The following NTN1 variants were observed in gnomAD, a reference collection of about 807,000 sequenced individuals.
NTN1 encodes the protein netrin-1.
In NTN1, 11 loss-of-function variants were observed where a neutral mutation model predicts 54.2. The observed-to-expected ratio is 0.20, with a 90% confidence interval of 0.13 to 0.34. NTN1 has a LOEUF of 0.34. NTN1 is among the 10% of genes least tolerant of loss of function. The probability of loss-of-function intolerance (pLI) is 1.00; values close to 1 mark genes in which losing one functional copy is unlikely to be tolerated. For missense variants in NTN1, 740 were observed against 893.1 expected (o/e 0.83, Z 2.18); for synonymous variants, 371 against 382.0 (o/e 0.97, Z 0.33).
rs140248343 is a variant in NTN1, at chr17:9,162,845, C to T, written c.1051C>T (p.Arg351Cys). 3 of 1,613,522 alleles carry T rather than the reference C, an allele frequency of 1.9e-6. No homozygotes were observed. Among genetic ancestry groups the T allele is most frequent in the African/African-American group, 1.3e-5 (1 of 74,926 alleles). The change falls in exon 3 of 7, where the codon CGC becomes TGC. Residue 351 changes from arginine to cysteine, a missense_variant. Arg to Cys is a radical substitution (Grantham distance 180). Transcript: ENST00000173229. ...CNCNLHARRC[R>C]FNMELYKLSG... Reference sequence around the variant, plus strand: ...CTGCAACCTGCATGCCCGGCGCTGCCGCTTCAACATGGAGCTCTACAAGCT... The same window carrying T: ...CTGCAACCTGCATGCCCGGCGCTGCTGCTTCAACATGGAGCTCTACAAGCT...
intron 5 of NTN1, among the ~76,000 whole-genome samples, chr17:9,190,323 G>A (rs959496732): frequency 5.3e-5 from 8 of 152,142 alleles, no homozygotes; most frequent in African/African-American, 9.7e-5. Flanking sequence ...CTATCAGTTC[G>A]CCCAGAAATA....
At chr17:9,022,181 G>A in intron 1 of NTN1, 130 bp from the exon 2 acceptor site, 6 of 572,480 alleles carry the variant, frequency 1.0e-5, no homozygotes, top group Non-Finnish European at 7.7e-6. Flanking sequence ...TTGGGGGAGA[G>A]AGGCGGGCAG....
At chr17:9,147,371 C>T (rs1003724275) in intron 2 of NTN1, among the ~76,000 whole-genome samples, 2 of 152,142 alleles carry the variant, frequency 1.3e-5, no homozygotes, top group Admixed American at 6.5e-5. Flanking sequence ...ATAAATTAGC[C>T]GGGCATAGTG....
At chr17:9,113,144 C>T (rs2092198382) in intron 2 of NTN1, among the ~76,000 whole-genome samples, 1 of 151,558 alleles carries the variant, frequency 6.6e-6, no homozygotes, top group African/African-American at 2.4e-5. Context: ...CTGCCTCAGC[C>T]TCCCGAGTAG....
At chr17:9,028,425 T>G (rs1390454611) in intron 2 of NTN1, among the ~76,000 whole-genome samples, 1 of 152,024 alleles carries the variant, frequency 6.6e-6, no homozygotes, top group Non-Finnish European at 1.5e-5. Context: ...CGCTCCCTGC[T>G]CCACCCAGAG....
intron 2 of NTN1, among the ~76,000 whole-genome samples, chr17:9,106,510 TTCC>T: frequency 1.5e-5 from 2 of 137,892 alleles, no homozygotes; most frequent in African/African-American, 2.7e-5. Flanking sequence ...CCTTCCTTCC[TTCC>T]TTCCTTCCTT....
chr17:9,023,477 C>T, intron 2 of NTN1, 86 bp downstream of exon 2: 1 of 1,304,858 alleles, frequency 7.7e-7, no homozygotes, highest in Non-Finnish European at 9.7e-7. Context: ...TTCATAGGAG[C>T]GCGGGTCGAG....
At position 9,243,283 on chromosome 17, in the gene NTN1, G is replaced by A. The variant is rs1395477700; in HGVS notation, c.*3315G>A. The A allele has an allele frequency of 6.6e-6, 1 of 152,142 alleles. No homozygotes were observed. Among genetic ancestry groups the A allele is most frequent in the South Asian group, 2.1e-4 (1 of 4,820 alleles). The allele number at this position is 152,142 out of a possible 1,614,324, so 9.4% of individuals were successfully genotyped here. On this transcript the variant is annotated 3_prime_UTR_variant, in exon 7 of 7. Transcript: ENST00000173229. ...TGGGGTCACAACCCAGGGAGGGAGGGTCACAGCCCAGGGAGGCTGGGAGCT... is the reference window on the plus strand; with the variant it reads ...TGGGGTCACAACCCAGGGAGGGAGGATCACAGCCCAGGGAGGCTGGGAGCT...
intron 6 of NTN1, among the ~76,000 whole-genome samples, chr17:9,229,738 G>T (rs1452783483): frequency 2.0e-5 from 3 of 152,190 alleles, no homozygotes; most frequent in Non-Finnish European, 4.4e-5. Flanking sequence ...GTAGCGGGTG[G>T]TGGTCCAGAG....
At chr17:9,112,146 T>C (rs1469342888) in intron 2 of NTN1, among the ~76,000 whole-genome samples, 1 of 152,244 alleles carries the variant, frequency 6.6e-6, no homozygotes, top group Non-Finnish European at 1.5e-5. Context: ...GCTATGAAGC[T>C]GCGCCTGTGG....
chr17:9,229,198 C>T (rs535325882), intron 6 of NTN1, among the ~76,000 whole-genome samples: 1 of 151,670 alleles, frequency 6.6e-6, no homozygotes, highest in African/African-American at 2.4e-5. Context: ...TCTTGGGGGT[C>T]CGTGGAAGCA....
intron 2 of NTN1, among the ~76,000 whole-genome samples, chr17:9,077,048 T>A (rs2092052712): frequency 6.6e-6 from 1 of 151,858 alleles, no homozygotes; most frequent in Non-Finnish European, 1.5e-5. Flanking sequence ...ATCAGACAGG[T>A]GGGTGAGCAG....
At chr17:9,011,023 C>T in the NTN1 span, among the ~76,000 whole-genome samples, 1 of 151,854 alleles carries the variant, frequency 6.6e-6, no homozygotes, top group Admixed American at 6.6e-5. Flanking sequence ...ATCATCAAGA[C>T]TTAGGGCCTT....
At chr17:9,160,818 A>C (rs549825122) in intron 2 of NTN1, among the ~76,000 whole-genome samples, 9 of 152,154 alleles carry the variant, frequency 5.9e-5, no homozygotes, top group Non-Finnish European at 8.8e-5. Context: ...TTCGCTGGGC[A>C]TGGTGGCACA....
chr17:9,141,669 T>G (rs2092298153), intron 2 of NTN1, among the ~76,000 whole-genome samples: 1 of 151,596 alleles, frequency 6.6e-6, no homozygotes, highest in African/African-American at 2.4e-5. Context: ...GGATAGGAGT[T>G]GGGATGAAAG....
At chr17:9,021,110 G>GTT (rs1477531368), upstream of NTN1, among the ~76,000 whole-genome samples, 1 of 152,172 alleles carries the variant, frequency 6.6e-6, no homozygotes, top group East Asian at 1.9e-4. Context: ...ACACAGATGT[G>GTT]TTTGGCTGGG....
intron 3 of NTN1, among the ~76,000 whole-genome samples, chr17:9,167,602 A>C (rs2092376730): frequency 6.6e-6 from 1 of 152,154 alleles, no homozygotes; most frequent in African/African-American, 2.4e-5. Flanking sequence ...GAAGGCTAGG[A>C]AGGTGCTTGA....
chr17:9,035,091 C>T (rs1019830683), intron 2 of NTN1, among the ~76,000 whole-genome samples: 2 of 152,142 alleles, frequency 1.3e-5, no homozygotes, highest in Non-Finnish European at 1.5e-5. Context: ...GGACTACAGG[C>T]GCCCGCCACC....
intron 5 of NTN1, among the ~76,000 whole-genome samples, chr17:9,202,330 G>A (rs1305288618): frequency 6.6e-6 from 1 of 152,132 alleles, no homozygotes; most frequent in African/African-American, 2.4e-5. Flanking sequence ...TGAAGTCCAG[G>A]CTATCCACTG....
Sources: gnomAD v4.1 joint callset for allele counts (sites outside exome capture counted in the v4.1 genomes callset) on GRCh38, gnomAD v4.1.1 for gene constraint, MANE v1.5 for transcripts, NCBI Gene and HGNC (gene_info 2026-07-23, HGNC 2026-07-21) for gene names.